CEP85L: variants seen among roughly 807,000 people sequenced by gnomAD.
The protein encoded by CEP85L is centrosomal protein 85L.
CEP85L carries 60 observed loss-of-function variants against 100.3 expected under a neutral mutation model. The observed-to-expected ratio is 0.60, with a 90% CI of 0.49 to 0.74. The LOEUF is 0.74. Among genes scored for constraint, CEP85L ranks in the 30% least tolerant of loss-of-function variants. The probability of loss-of-function intolerance (pLI) is 0.00; values close to 1 mark genes in which losing one functional copy is unlikely to be tolerated. For synonymous variants in CEP85L, 319 were observed against 322.7 expected, an observed-to-expected ratio of 0.99 and a Z score of 0.12; for missense variants, 973 against 936.2, an observed-to-expected ratio of 1.04 and a Z score of -0.51.
intron 2 of CEP85L, among the ~76,000 whole-genome samples, chr6:118,567,209 ATGTGTG>A (rs68047463): frequency 6.3e-3 from 562 of 89,350 alleles, no homozygotes; most frequent in Non-Finnish European, 7.3e-3. Context: ...ATATATATGT[ATGTGTG>A]TGTGTGTGTG....
At chr6:118,496,021 A>G (rs1007572418) in intron 5 of CEP85L, among the ~76,000 whole-genome samples, 3 of 152,236 alleles carry the variant, frequency 2.0e-5, no homozygotes, top group African/African-American at 7.2e-5. Flanking sequence ...ATGATTACAT[A>G]TCAGAAAAAT....
At chr6:118,545,223 A>T (rs1175948355) in intron 3 of CEP85L, among the ~76,000 whole-genome samples, 1 of 152,196 alleles carries the variant, frequency 6.6e-6, no homozygotes, top group Non-Finnish European at 1.5e-5. Context: ...CCCTCCGGAT[A>T]CACCACTACA....
intron 1 of CEP85L, among the ~76,000 whole-genome samples, chr6:118,635,035 G>A (rs4412243): frequency 0.75 from 114,405 of 152,114 alleles, 43,755 homozygotes; most frequent in African/African-American, 0.8. Context: ...GGGAATGTTC[G>A]TATATTTTTG....
chr6:118,603,731 A>C (rs935133506), intron 2 of CEP85L, among the ~76,000 whole-genome samples: 2 of 152,258 alleles, frequency 1.3e-5, no homozygotes, highest in African/African-American at 4.8e-5. Flanking sequence ...TTTAGCTCTG[A>C]GAGTTCTGAA....
At chr6:118,703,462 C>T (rs1407988413) in intron 1 of CEP85L, among the ~76,000 whole-genome samples, 1 of 152,222 alleles carries the variant, frequency 6.6e-6, no homozygotes, top group Non-Finnish European at 1.5e-5. Flanking sequence ...CACCCAGCCT[C>T]CCAAAGTGCT....
chr6:118,491,584 A>G (rs1231577652), intron 6 of CEP85L, 102 bp downstream of exon 6: 2 of 1,492,104 alleles, frequency 1.3e-6, no homozygotes, highest in Non-Finnish European at 1.8e-6. Flanking sequence ...ACATAAATGT[A>G]TACATAACCT....
chr6:118,686,728 G>A (rs1021892799), intron 1 of CEP85L, among the ~76,000 whole-genome samples: 3 of 152,156 alleles, frequency 2.0e-5, no homozygotes, highest in Admixed American at 1.3e-4. Context: ...CAAGCAAAAC[G>A]TAACTAAGAG....
intron 2 of CEP85L, among the ~76,000 whole-genome samples, chr6:118,576,530 A>C (rs1273461799): frequency 1.3e-5 from 2 of 152,252 alleles, no homozygotes; most frequent in East Asian, 3.8e-4. Context: ...TGTTAATGTA[A>C]CTATGCTTGT....
At chr6:118,634,889 T>C (rs569404160) in intron 1 of CEP85L, among the ~76,000 whole-genome samples, 10 of 152,286 alleles carry the variant, frequency 6.6e-5, no homozygotes, top group African/African-American at 2.4e-4. Flanking sequence ...GCTGGGACTA[T>C]ATGTAAATGA....
At chr6:118,659,341 CTAAT>C (rs1194143132) in intron 1 of CEP85L, among the ~76,000 whole-genome samples, 2 of 152,098 alleles carry the variant, frequency 1.3e-5, no homozygotes, top group African/African-American at 2.4e-5. Flanking sequence ...TCTATATTCT[CTAAT>C]TGAGACATTA....
At chr6:118,505,409 CAAAAA>C (rs56893664) in intron 5 of CEP85L, among the ~76,000 whole-genome samples, 60 of 71,820 alleles carry the variant, frequency 8.4e-4, no homozygotes, top group South Asian at 3.0e-3. Context: ...TCACTGTACT[CAAAAA>C]AAAAAAAAAA....
intron 2 of CEP85L, among the ~76,000 whole-genome samples, chr6:118,583,555 C>G (rs6925828): frequency 1.6e-3 from 237 of 152,280 alleles, no homozygotes; most frequent in African/African-American, 5.4e-3. Context: ...CTATCTCCCC[C>G]TGATGGAAGC....
intron 5 of CEP85L, among the ~76,000 whole-genome samples, chr6:118,510,914 G>A (rs1435902654): frequency 6.6e-6 from 1 of 152,000 alleles, no homozygotes; most frequent in East Asian, 1.9e-4. Flanking sequence ...TCTAGGTAAT[G>A]ATAGAGAAAT....
intron 2 of CEP85L, among the ~76,000 whole-genome samples, chr6:118,600,627 G>GT (rs952168609): frequency 2.0e-5 from 3 of 151,410 alleles, no homozygotes; most frequent in Non-Finnish European, 2.9e-5. Context: ...CAGCCCTGGG[G>GT]TTTTTTTAAT....
intron 1 of CEP85L, among the ~76,000 whole-genome samples, chr6:118,640,358 C>T (rs997652930): frequency 6.6e-6 from 1 of 152,156 alleles, no homozygotes; most frequent in Non-Finnish European, 1.5e-5. Flanking sequence ...ACTGTGAAAC[C>T]AGGCTACCTG....
upstream of CEP85L, among the ~76,000 whole-genome samples, chr6:118,652,188 G>A (rs1217152023): frequency 6.6e-6 from 1 of 152,122 alleles, no homozygotes; most frequent in Non-Finnish European, 1.5e-5. Flanking sequence ...GGGGAGAGGG[G>A]CCGTCATTGT....
At chr6:118,601,976 A>T (rs1398994625) in intron 2 of CEP85L, among the ~76,000 whole-genome samples, 1 of 152,204 alleles carries the variant, frequency 6.6e-6, no homozygotes, top group Non-Finnish European at 1.5e-5. Context: ...AATGCAGCCC[A>T]GTAGGTTTCA....
chr6:118,568,414 G>A (rs1046412535), intron 2 of CEP85L, among the ~76,000 whole-genome samples: 5 of 152,084 alleles, frequency 3.3e-5, no homozygotes, highest in East Asian at 1.9e-4. Context: ...ACACTGAATC[G>A]TCCAATCATG....
chr6:118,654,147 C>T (rs959967161), upstream of CEP85L, among the ~76,000 whole-genome samples: 3 of 152,116 alleles, frequency 2.0e-5, no homozygotes, highest in African/African-American at 7.2e-5. Context: ...GGTGCAGTCA[C>T]TCATGCCTGT....
Sources: allele counts gnomAD v4.1 joint callset (sites outside exome capture counted in the v4.1 genomes callset), GRCh38; gene constraint gnomAD v4.1.1; transcripts MANE v1.5; gene names NCBI Gene and HGNC (gene_info 2026-07-23, HGNC 2026-07-21).